Variants in PADI3 observed in about 807,000 individuals in gnomAD.
PADI3 encodes protein-arginine deiminase type-3.
PADI3 carries 53 observed loss-of-function variants against 71.5 expected under a neutral mutation model. The observed-to-expected ratio is 0.74, with a 90% CI of 0.59 to 0.93. The LOEUF is 0.93. Among genes scored for constraint, PADI3 ranks in the 40% least tolerant of loss-of-function variants. The pLI is 0.00. For missense variants in PADI3, 821 were observed against 868.0 expected (o/e 0.95, Z 0.68); for synonymous variants, 361 against 347.5 (o/e 1.04, Z -0.43).
At chr1:17,265,607 C>A in intron 3 of PADI3, 52 bp from the exon 4 acceptor site, 1 of 1,528,270 alleles carries the variant, frequency 6.5e-7, no homozygotes, top group Non-Finnish European at 9.1e-7. Flanking sequence ...TCAAGGCCTG[C>A]CCTGGGCTCC....
chr1:17,256,110 C>T (rs2073023943), intron 1 of PADI3, among the ~76,000 whole-genome samples: 1 of 152,166 alleles, frequency 6.6e-6, no homozygotes, highest in South Asian at 2.1e-4. Flanking sequence ...GGTGCCTTCC[C>T]TGGGGAACCT....
chr1:17,267,870 C>G lies in PADI3; in HGVS notation c.560C>G (p.Thr187Arg). The G allele has an allele frequency of 6.2e-7, 1 of 1,614,106 alleles. No individual in the cohort carries two copies. The highest frequency in any genetic ancestry group is 8.5e-7 in the Non-Finnish European group (1 of 1,179,996). ...LEDMSVMVLR[T>R]QGPAALFDDH... ...GACATGTCTGTCATGGTCCTGCGGA[C>G]GCAGGGCCCTGCAGCCCTCTTTGAT... is the stretch of plus-strand genomic sequence containing the variant. Residue 187 changes from threonine to arginine, a missense_variant, in exon 6 of 16, where the codon ACG becomes AGG. Physicochemically the swap from Thr to Arg is moderately conservative, Grantham distance 71. Coordinates refer to ENST00000375460, the MANE Select transcript of PADI3 (RefSeq NM_016233.2).
intron 1 of PADI3, among the ~76,000 whole-genome samples, chr1:17,258,313 T>A (rs2100562335): frequency 6.6e-6 from 1 of 152,306 alleles, no homozygotes; most frequent in South Asian, 2.1e-4. Flanking sequence ...CCCTGGACAA[T>A]GTTGGTCCTC....
At chr1:17,278,237 C>G (rs1201287510) in intron 13 of PADI3, among the ~76,000 whole-genome samples, 1 of 152,150 alleles carries the variant, frequency 6.6e-6, no homozygotes, top group African/African-American at 2.4e-5. Flanking sequence ...CTGGCATTTT[C>G]TTTTCTTCTT....
At chr1:17,261,141 C>T (rs184586536) in intron 2 of PADI3, among the ~76,000 whole-genome samples, 11 of 152,248 alleles carry the variant, frequency 7.2e-5, no homozygotes, top group East Asian at 1.9e-4. Flanking sequence ...GGCTGAGATT[C>T]GGACATGAGA....
At chr1:17,249,294 G>A in intron 1 of PADI3, 65 bp downstream of exon 1, 4 of 1,314,564 alleles carry the variant, frequency 3.0e-6, no homozygotes, top group East Asian at 2.3e-5. Flanking sequence ...CTTCCTCCCT[G>A]CAGGCTGGGC....
At chr1:17,277,591 C>G (rs964471917) in intron 13 of PADI3, among the ~76,000 whole-genome samples, 3 of 152,228 alleles carry the variant, frequency 2.0e-5, no homozygotes, top group Non-Finnish European at 4.4e-5. Flanking sequence ...TGTCTCCCAG[C>G]CTCCCTGCCT....
rs571750425 is a variant in PADI3, at chr1:17,274,967, CG to C, written c.1307+185del. The stretch of plus-strand genomic sequence containing the variant: ...CACCAGACACAGTCCACACTTACCT[CG>C]GGGACTCTGAAACCAGAGAGAGCAG... On this transcript the variant is annotated intron_variant, in intron 11 of 15. Transcript: ENST00000375460. 2.2e-3 allele frequency among the ~76,000 whole-genome samples: 330 copies of C among 152,174 alleles called. 1 individual carries two copies. Among genetic ancestry groups the C allele is most frequent in the African/African-American group, 7.7e-3 (318 of 41,526 alleles).
intron 1 of PADI3, among the ~76,000 whole-genome samples, chr1:17,255,346 C>T (rs78856610): frequency 0.092 from 14,058 of 152,230 alleles, 691 homozygotes; most frequent in South Asian, 0.2. Flanking sequence ...TTGAGTTCTC[C>T]GGCTGGCTTG....
At chr1:17,250,684 G>A (rs1485593190) in intron 1 of PADI3, among the ~76,000 whole-genome samples, 3 of 152,152 alleles carry the variant, frequency 2.0e-5, no homozygotes. Context: ...TGCCAAGGAG[G>A]TAATGAGGAA....
At chr1:17,274,831 G>C (rs946372212) in intron 11 of PADI3, 45 bp downstream of exon 11, 1 of 1,587,730 alleles carries the variant, frequency 6.3e-7, no homozygotes, top group Non-Finnish European at 8.6e-7. Flanking sequence ...GGAGGCTGAG[G>C]GTTGGGGGTG....
chr1:17,270,190 G>A (rs760427213), intron 6 of PADI3, 43 bp from the exon 7 acceptor site: 3 of 1,573,216 alleles, frequency 1.9e-6, no homozygotes, highest in South Asian at 2.4e-5. Flanking sequence ...CATGCTCCCT[G>A]GGCCCACAGG....
chr1:17,258,628 TG>T (rs1007522333), intron 1 of PADI3, among the ~76,000 whole-genome samples: 4 of 152,250 alleles, frequency 2.6e-5, no homozygotes, highest in African/African-American at 9.6e-5. Flanking sequence ...CTCTGCCATG[TG>T]ATGCAACCTC....
intron 13 of PADI3, 66 bp downstream of exon 13, chr1:17,276,942 T>G (rs1478626226): frequency 2.2e-6 from 3 of 1,376,994 alleles, no homozygotes; most frequent in Non-Finnish European, 3.0e-6. Flanking sequence ...AGACACATCA[T>G]GGCTTGAGAG....
Position 17,266,719 on chromosome 1 carries a change from C to A in PADI3, c.409C>A (p.Arg137=), listed in dbSNP as rs139823890. 5.4e-4 allele frequency: 872 copies of A among 1,612,516 alleles called. 4 individuals are homozygous for A. In the African/African-American group the frequency reaches 0.01, roughly 19 times the overall value. ...ACTGGCTATGTTTTGTCATTGGCAG[C>A]GGCAGTGGGTCTGGGGGCCCAGTGG... ...GRQDRNFVDK[R]QWVWGPSGYG... Residue 137 remains arginine (R), a splice_region_variant and synonymous_variant, in exon 5 of 16, where the codon CGG becomes AGG. Transcript: ENST00000375460.
At position 17,283,181 on chromosome 1, in the gene PADI3, GC is replaced by G; in HGVS notation, c.*103del. 1.2e-6 allele frequency: 1 copy of G among 862,990 alleles called. No individual in the cohort carries two copies. The highest frequency in any genetic ancestry group is 1.8e-6 in the Non-Finnish European group (1 of 542,528). 53.5% of individuals were successfully genotyped at this position (862,990 alleles called of 1,614,324 possible). ...ACGATAAGCACCAAGAGACCCCAAG[GC>G]TCCAGATGGAACACTGAGGGTGACC... On this transcript the variant is annotated 3_prime_UTR_variant, in exon 16 of 16. Coordinates refer to ENST00000375460, the MANE Select transcript of PADI3 (RefSeq NM_016233.2).
chr1:17,265,312 C>T (rs181191802), intron 3 of PADI3, among the ~76,000 whole-genome samples: 1 of 152,052 alleles, frequency 6.6e-6, no homozygotes, highest in East Asian at 1.9e-4. Context: ...GGCTTGCTAC[C>T]CCATTCCAAG....
intron 10 of PADI3, among the ~76,000 whole-genome samples, 181 bp from the exon 11 acceptor site, chr1:17,274,454 C>A (rs1195879667): frequency 6.6e-6 from 1 of 152,236 alleles, no homozygotes; most frequent in African/African-American, 2.4e-5. Flanking sequence ...ACTTTGCCTG[C>A]TATGCGTGCA....
intron 2 of PADI3, 107 bp from the exon 3 acceptor site, chr1:17,262,026 A>G (rs2073108104): frequency 1.1e-6 from 1 of 899,548 alleles, no homozygotes; most frequent in Non-Finnish European, 1.8e-6. Flanking sequence ...AAGAAAGAGC[A>G]AGGTTCCTTG....
Sources: allele counts gnomAD v4.1 joint callset (sites outside exome capture counted in the v4.1 genomes callset), GRCh38; gene constraint gnomAD v4.1.1; transcripts MANE v1.5; gene names NCBI Gene and HGNC (gene_info 2026-07-23, HGNC 2026-07-21).